PRKCZ: variants seen among roughly 807,000 people sequenced by gnomAD.
The protein encoded by PRKCZ is protein kinase C zeta type.
Under a neutral mutation model 79.5 loss-of-function variants are expected in PRKCZ, and 33 were observed. The observed-to-expected ratio is 0.41, with a 90% confidence interval of 0.31 to 0.55. PRKCZ has a LOEUF of 0.55. PRKCZ is among the 20% of genes least tolerant of loss of function. The probability of loss-of-function intolerance (pLI) is 0.19; values close to 1 mark genes in which losing one functional copy is unlikely to be tolerated. For missense variants in PRKCZ, 578 were observed against 813.5 expected, an observed-to-expected ratio of 0.71 and a Z score of 3.52; for synonymous variants, 342 against 320.9, an observed-to-expected ratio of 1.07 and a Z score of -0.70.
At chr1:2,166,691 G>C (rs1041707092) in intron 10 of PRKCZ, among the ~76,000 whole-genome samples, 1 of 150,520 alleles carries the variant, frequency 6.6e-6, no homozygotes, top group Non-Finnish European at 1.5e-5. Context: ...CCCAGGCCAC[G>C]ACATGGCGAG....
Position 2,169,523 on chromosome 1 carries a change from T to A in PRKCZ, c.980T>A (p.Phe327Tyr). The A allele has an allele frequency of 6.5e-7, 1 of 1,548,442 alleles. No homozygotes were observed. Among genetic ancestry groups the A allele is most frequent in the South Asian group, 1.2e-5 (1 of 83,996 alleles). The change falls in exon 11 of 18, where the codon TTC (phenylalanine) becomes TAC (tyrosine). Residue 327 changes from phenylalanine (F) to tyrosine (Y), a missense_variant. Physicochemically the swap from Phe to Tyr is conservative, Grantham distance 22 (BLOSUM62 3). Coordinates refer to ENST00000378567, the MANE Select transcript of PRKCZ (RefSeq NM_002744.6). Reference sequence around the variant, plus strand: ...CGGCGCCTCTCTCCCTGCAGGTTGTTCCTGGTCATTGAGTACGTCAACGGC... The same window carrying A: ...CGGCGCCTCTCTCCCTGCAGGTTGTACCTGGTCATTGAGTACGTCAACGGC... ...HSCFQTTSRLFLVIEYVNGGD... is the reference protein window; with the variant it reads ...HSCFQTTSRLYLVIEYVNGGD...
intron 6 of PRKCZ, chr1:2,144,687 A>C: frequency 9.6e-7 from 1 of 1,040,092 alleles, no homozygotes; most frequent in South Asian, 3.0e-5. Flanking sequence ...GCCAGGTCTG[A>C]CCTAGTAGCA....
intron 4 of PRKCZ, among the ~76,000 whole-genome samples, chr1:2,113,499 C>T (rs1057271179): frequency 8.5e-5 from 13 of 152,172 alleles, no homozygotes; most frequent in African/African-American, 2.9e-4. Context: ...GCCAGAAACT[C>T]GGAAGTGGCA....
Position 2,169,546 on chromosome 1 carries a change from G to T in PRKCZ, c.1003G>T (p.Gly335Cys). 6.5e-7 allele frequency: 1 copy of T among 1,545,698 alleles called. No homozygotes were observed. Among genetic ancestry groups the T allele is most frequent in the South Asian group, 1.2e-5 (1 of 83,846 alleles). Reference sequence around the variant, plus strand: ...GTTCCTGGTCATTGAGTACGTCAACGGCGGGGACCTGATGTTCCACATGCA... The same window carrying T: ...GTTCCTGGTCATTGAGTACGTCAACTGCGGGGACCTGATGTTCCACATGCA... The part of the protein sequence containing the change: ...RLFLVIEYVN[G>C]GDLMFHMQRQ... The change falls in exon 11 of 18, where the codon GGC becomes TGC. Residue 335 changes from glycine to cysteine, a missense_variant. This residue lies in a region of PRKCZ where 243 missense variants were observed against 467.0 expected (regional missense o/e 0.52). Coordinates refer to ENST00000378567, the MANE Select transcript of PRKCZ (RefSeq NM_002744.6).
intron 4 of PRKCZ, chr1:2,071,468 A>C (rs959318209): frequency 4.5e-6 from 1 of 222,180 alleles, no homozygotes; most frequent in Admixed American, 5.6e-5. Context: ...AAGCCTATCA[A>C]CGGATGCCTG....
chr1:2,064,997 G>A (rs1660999954), intron 4 of PRKCZ, among the ~76,000 whole-genome samples: 1 of 152,182 alleles, frequency 6.6e-6, no homozygotes. Flanking sequence ...GTGTGTTTCT[G>A]TTTGTTTATG....
Position 2,125,865 on chromosome 1 carries a change from G to C in PRKCZ, c.335-9397G>C, listed in dbSNP as rs1469921700. Among the ~76,000 whole-genome samples the C allele has an allele frequency of 3.3e-5, 5 of 152,156 alleles. No homozygotes were observed. Among genetic ancestry groups the C allele is most frequent in the Non-Finnish European group, 5.9e-5 (4 of 68,006 alleles). ...GGGGATTTGCGCCCTGGAAGGAGCC[G>C]CCCGGCTGCCTCTCGCCAACATGCA... is the stretch of plus-strand genomic sequence containing the variant. On this transcript the variant is annotated intron_variant, in intron 4 of 17. Coordinates refer to ENST00000378567, the MANE Select transcript of PRKCZ (RefSeq NM_002744.6). This position sits in a 1 kb window ranked among gnomAD's most constrained non-coding sequence, Gnocchi z 4.2.
intron 1 of PRKCZ, among the ~76,000 whole-genome samples, chr1:2,055,043 C>T (rs534653838): frequency 3.5e-4 from 53 of 151,836 alleles, no homozygotes; most frequent in African/African-American, 1.0e-3. Flanking sequence ...CCCGGGTTCA[C>T]GCCATTCTCT....
intron 4 of PRKCZ, among the ~76,000 whole-genome samples, chr1:2,109,987 C>T (rs1267232411): frequency 3.3e-5 from 5 of 152,228 alleles, no homozygotes; most frequent in Admixed American, 3.3e-4. Flanking sequence ...CCAGTCTGGG[C>T]AAGCGGAGGA....
chr1:2,060,656 C>T (rs1161535790), intron 4 of PRKCZ, among the ~76,000 whole-genome samples: 1 of 152,234 alleles, frequency 6.6e-6, no homozygotes, highest in Non-Finnish European at 1.5e-5. Context: ...GTCCCTGCAC[C>T]GTGGCCGGCA....
chr1:2,107,417 C>G (rs572798746), intron 4 of PRKCZ, among the ~76,000 whole-genome samples: 1 of 152,258 alleles, frequency 6.6e-6, no homozygotes, highest in African/African-American at 2.4e-5. Context: ...CACACACTCC[C>G]GTGCCCGTTG....
In PRKCZ at chr1:2,165,370, T is replaced by G. The variant is rs1416550767; in HGVS notation, c.975-4148T>G. ...CTGGGCCCGCCCGAGTCATCTGATG[T>G]TGGGTCTGACAAGCCAGGAGCTGTG... On this transcript the variant is annotated intron_variant, in intron 10 of 17. Transcript: ENST00000378567. This position sits in a 1 kb window ranked among gnomAD's most constrained non-coding sequence, Gnocchi z 4.1. Among the ~76,000 whole-genome samples, 2 of 152,158 alleles carry G rather than the reference T, an allele frequency of 1.3e-5. No homozygotes were observed. Among genetic ancestry groups the G allele is most frequent in the African/African-American group, 2.4e-5 (1 of 41,422 alleles).
chr1:2,124,591 C>G (rs1248999814), intron 4 of PRKCZ, among the ~76,000 whole-genome samples: 1 of 152,120 alleles, frequency 6.6e-6, no homozygotes, highest in African/African-American at 2.4e-5. Flanking sequence ...CATCCTGACT[C>G]CAGCCTCGGA....
chr1:2,077,928 A>T (rs181861532), intron 4 of PRKCZ, among the ~76,000 whole-genome samples: 1 of 152,228 alleles, frequency 6.6e-6, no homozygotes, highest in Non-Finnish European at 1.5e-5. Flanking sequence ...GTGAATATGC[A>T]TGAGCTACCA....
chr1:2,126,303 G>A (rs1273284432), intron 4 of PRKCZ, among the ~76,000 whole-genome samples: 1 of 152,148 alleles, frequency 6.6e-6, no homozygotes, highest in African/African-American at 2.4e-5. Flanking sequence ...TGGAGGGCTG[G>A]TCTGCTGACC....
At chr1:2,107,613 G>A (rs1405857099) in intron 4 of PRKCZ, among the ~76,000 whole-genome samples, 1 of 151,900 alleles carries the variant, frequency 6.6e-6, no homozygotes, top group Admixed American at 6.6e-5. Context: ...AACCCCTGGA[G>A]GAAACACAGG....
rs925833145 is a variant in PRKCZ at position 2,128,084 on chromosome 1, G to A, written c.335-7178G>A. Among the ~76,000 whole-genome samples the A allele has an allele frequency of 2.0e-5, 3 of 152,214 alleles. No individual in the cohort carries two copies. Among genetic ancestry groups the A allele is most frequent in the African/African-American group, 7.2e-5 (3 of 41,446 alleles). On this transcript the variant is annotated intron_variant, in intron 4 of 17. Coordinates refer to ENST00000378567, the MANE Select transcript of PRKCZ (RefSeq NM_002744.6). This position sits in a 1 kb window ranked among gnomAD's most constrained non-coding sequence, Gnocchi z 6.5. Reference sequence around the variant, plus strand: ...GAAGCTCCGGAGTCTAGAGGTGGCAGCACCCATTTTACCTGCACCCTCAGT... The same window carrying A: ...GAAGCTCCGGAGTCTAGAGGTGGCAACACCCATTTTACCTGCACCCTCAGT...
chr1:2,065,504 C>G (rs1661047962), intron 4 of PRKCZ, among the ~76,000 whole-genome samples: 1 of 151,954 alleles, frequency 6.6e-6, no homozygotes, highest in African/African-American at 2.4e-5. Context: ...CAGTGAAACC[C>G]CGTTCTCTAC....
intron 7 of PRKCZ, among the ~76,000 whole-genome samples, chr1:2,146,539 C>T (rs1011588334): frequency 6.6e-6 from 1 of 152,200 alleles, no homozygotes; most frequent in Non-Finnish European, 1.5e-5. Context: ...GTGGCAGTGG[C>T]ATGGTCCTTG....
Sources: allele counts gnomAD v4.1 joint callset (sites outside exome capture counted in the v4.1 genomes callset), GRCh38; gene constraint gnomAD v4.1.1; regional missense constraint gnomAD v4.1.1; non-coding constraint Gnocchi (gnomAD v3.1); transcripts MANE v1.5; gene names NCBI Gene and HGNC (gene_info 2026-07-23, HGNC 2026-07-21).